Variants in ZFHX3 observed in about 807,000 individuals in gnomAD.
ZFHX3 encodes zinc finger homeobox 3.
ZFHX3 carries 42 observed loss-of-function variants against 279.1 expected under a neutral mutation model. That is an observed-to-expected ratio of 0.15 (90% CI 0.12 to 0.19). ZFHX3 has a LOEUF of 0.19. Among genes scored for constraint, ZFHX3 ranks in the 10% least tolerant of loss-of-function variants. The probability of loss-of-function intolerance (pLI) is 1.00; values close to 1 mark genes in which losing one functional copy is unlikely to be tolerated. For synonymous variants in ZFHX3, 2,293 were observed against 1,957.8 expected, an observed-to-expected ratio of 1.17 and a Z score of -4.52; for missense variants, 4,981 against 4,754.0, an observed-to-expected ratio of 1.05 and a Z score of -1.40.
chr16:73,099,710 C>CAAAAAA (rs756694525), intron 7 of ZFHX3, among the ~76,000 whole-genome samples: 1 of 90,956 alleles, frequency 1.1e-5, no homozygotes, highest in African/African-American at 4.1e-5. Context: ...GACTCCATCT[C>CAAAAAA]AAAAAAAAAA....
At chr16:72,885,732 C>G (rs954270254) in intron 4 of ZFHX3, among the ~76,000 whole-genome samples, 8 of 152,248 alleles carry the variant, frequency 5.3e-5, no homozygotes, top group African/African-American at 1.7e-4. Context: ...GTGTAATATT[C>G]TGTGGCATGT....
intron 4 of ZFHX3, among the ~76,000 whole-genome samples, chr16:73,276,751 T>C (rs2014313021): frequency 6.6e-6 from 1 of 152,226 alleles, no homozygotes; most frequent in Non-Finnish European, 1.5e-5. Context: ...AATGCTTTCA[T>C]ATTCTCACAA....
At chr16:73,709,554 C>T (rs897655686) in intron 1 of ZFHX3, among the ~76,000 whole-genome samples, 10 of 151,956 alleles carry the variant, frequency 6.6e-5, no homozygotes, top group Admixed American at 6.6e-5. Context: ...CATGATGTCG[C>T]TTATATGTGG....
intron 2 of ZFHX3, among the ~76,000 whole-genome samples, chr16:73,614,494 A>G (rs1450235546): frequency 6.6e-6 from 1 of 152,208 alleles, no homozygotes; most frequent in Non-Finnish European, 1.5e-5. Context: ...AAAATAAAAA[A>G]TGAAAAGATT....
intron 2 of ZFHX3, among the ~76,000 whole-genome samples, chr16:73,530,897 C>T (rs1350827592): frequency 6.6e-6 from 1 of 152,206 alleles, no homozygotes; most frequent in Admixed American, 6.5e-5. Context: ...AATTCTGCCC[C>T]TTGGTTAAGG....
chr16:73,259,624 T>C (rs193207484), intron 4 of ZFHX3, among the ~76,000 whole-genome samples: 39 of 152,342 alleles, frequency 2.6e-4, no homozygotes, highest in Non-Finnish European at 1.5e-4. Flanking sequence ...GCAGGCAATT[T>C]GATGAAATCT....
chr16:73,337,285 A>C (rs2143246228), intron 3 of ZFHX3, among the ~76,000 whole-genome samples: 1 of 149,734 alleles, frequency 6.7e-6, no homozygotes. Context: ...CATCACCAAA[A>C]CTCCCTCTCC....
chr16:72,891,075 G>A (rs774609007), intron 3 of ZFHX3, among the ~76,000 whole-genome samples: 14 of 152,316 alleles, frequency 9.2e-5, no homozygotes, highest in Middle Eastern at 3.4e-3. Flanking sequence ...TAAAACCACA[G>A]TCTACTGGGA....
intron 1 of ZFHX3, among the ~76,000 whole-genome samples, chr16:73,793,620 T>A (rs1959899642): frequency 6.6e-6 from 1 of 152,218 alleles, no homozygotes; most frequent in East Asian, 1.9e-4. Flanking sequence ...TTCTCCTCCC[T>A]GCCAAGAGAT....
At chr16:73,189,919 C>T (rs1967991355) in intron 5 of ZFHX3, among the ~76,000 whole-genome samples, 1 of 151,946 alleles carries the variant, frequency 6.6e-6, no homozygotes, top group Non-Finnish European at 1.5e-5. Flanking sequence ...CATAGGGAGA[C>T]CCTCATCTCT....
intron 4 of ZFHX3, among the ~76,000 whole-genome samples, chr16:73,287,969 C>A (rs1219552385): frequency 2.6e-5 from 4 of 152,212 alleles, no homozygotes; most frequent in African/African-American, 9.6e-5. Context: ...CTCCTCCAAG[C>A]CTTCTTGCTG....
intron 5 of ZFHX3, among the ~76,000 whole-genome samples, chr16:73,187,144 T>TCACACACACACACA (rs71156147): frequency 0.012 from 1,743 of 147,066 alleles, 17 homozygotes; most frequent in Middle Eastern, 0.031. Context: ...GTTGTATGTC[T>TCACACACACACACA]CACACACACA....
At chr16:73,035,498 G>C (rs1220415158) in intron 1 of ZFHX3, among the ~76,000 whole-genome samples, 1 of 152,136 alleles carries the variant, frequency 6.6e-6, no homozygotes, top group African/African-American at 2.4e-5. Context: ...TTTTAAATGG[G>C]CTGAACAATC....
intron 3 of ZFHX3, among the ~76,000 whole-genome samples, chr16:72,931,404 T>TACACACACACAC (rs59696404): frequency 7.9e-4 from 95 of 120,156 alleles, no homozygotes; most frequent in Middle Eastern, 4.1e-3. Context: ...TTTATTTCAT[T>TACACACACACAC]ACACACACAC....
chr16:73,774,015 G>A (rs542397182), intron 1 of ZFHX3, among the ~76,000 whole-genome samples: 1 of 152,190 alleles, frequency 6.6e-6, no homozygotes, highest in East Asian at 1.9e-4. Flanking sequence ...ACATGTGCTT[G>A]TAGTCCCAGC....
At chr16:73,440,930 A>G (rs2143536540) in intron 3 of ZFHX3, among the ~76,000 whole-genome samples, 1 of 152,318 alleles carries the variant, frequency 6.6e-6, no homozygotes, top group South Asian at 2.1e-4. Context: ...TTTAGTCACA[A>G]ACAGATTTCC....
At chr16:73,749,530 T>C (rs2053739201) in intron 1 of ZFHX3, among the ~76,000 whole-genome samples, 1 of 152,200 alleles carries the variant, frequency 6.6e-6, no homozygotes, top group Admixed American at 6.5e-5. Flanking sequence ...TCTTCATCTC[T>C]ATTTTTTTGT....
chr16:73,475,826 T>G (rs1212918406), intron 2 of ZFHX3, among the ~76,000 whole-genome samples: 1 of 152,126 alleles, frequency 6.6e-6, no homozygotes, highest in Non-Finnish European at 1.5e-5. Context: ...ATATACTGTC[T>G]TTTTACCTCC....
At chr16:73,815,396 C>T (rs1330633973) in intron 1 of ZFHX3, among the ~76,000 whole-genome samples, 1 of 152,042 alleles carries the variant, frequency 6.6e-6, no homozygotes, top group Non-Finnish European at 1.5e-5. Flanking sequence ...CAGGATATGG[C>T]CCCTAGGAGA....
Sources: gnomAD v4.1 joint callset for allele counts (sites outside exome capture counted in the v4.1 genomes callset) on GRCh38, gnomAD v4.1.1 for gene constraint, MANE v1.5 for transcripts, NCBI Gene and HGNC (gene_info 2026-07-23, HGNC 2026-07-21) for gene names.